CDH3: variants seen among roughly 807,000 people sequenced by gnomAD.
The protein encoded by CDH3 is cadherin 3, also known as cadherin-3.
In CDH3, 54 loss-of-function variants were observed where a neutral mutation model predicts 82.0. The ratio of observed to expected loss-of-function variants is 0.66; its 90% CI spans 0.53 to 0.83. The LOEUF is 0.83. CDH3 is among the 40% of genes least tolerant of loss of function. The pLI, the probability that CDH3 is intolerant of heterozygous loss-of-function variation, is 0.00. For synonymous variants in CDH3, 446 were observed against 437.9 expected, an observed-to-expected ratio of 1.02 and a Z score of -0.23; for missense variants, 1,054 against 1,084.6, an observed-to-expected ratio of 0.97 and a Z score of 0.40.
At chr16:68,672,842 G>A (rs1960924568) in intron 2 of CDH3, among the ~76,000 whole-genome samples, 1 of 152,186 alleles carries the variant, frequency 6.6e-6, no homozygotes, top group South Asian at 2.1e-4. Context: ...CATTCACTGA[G>A]TCCACTGCCT....
downstream of CDH3, among the ~76,000 whole-genome samples, chr16:68,704,454 C>T (rs182155085): frequency 6.6e-6 from 1 of 152,302 alleles, no homozygotes; most frequent in East Asian, 1.9e-4. Flanking sequence ...CCTGAGATTC[C>T]CCAACCTGCA....
At chr16:68,669,861 G>A (rs1160516920) in intron 2 of CDH3, among the ~76,000 whole-genome samples, 1 of 152,126 alleles carries the variant, frequency 6.6e-6, no homozygotes, top group Non-Finnish European at 1.5e-5. Context: ...GCTCATGCCT[G>A]TAATCCCAGC....
chr16:68,678,366 G>A, intron 4 of CDH3, 89 bp downstream of exon 4: 1 of 1,590,920 alleles, frequency 6.3e-7, no homozygotes, highest in Non-Finnish European at 8.6e-7. Flanking sequence ...ACTGAATGTG[G>A]GGGCTGAGAC....
rs1961684849 is a variant in CDH3 at position 68,695,283 on chromosome 16, G to C, written c.2031G>C (p.Val677=). Residue 677 remains valine (V), a synonymous_variant, in exon 14 of 16, where the codon GTG becomes GTC. Transcript: ENST00000264012. ...LFLLLVLLLL[V]RKKRKIKEPL... is the part of the protein sequence containing the mutation. ...TCCTGCTGGTGCTGCTTTTGTTGGT[G>C]AGAAAGAAGCGGAAGATCAAGGAGC... 6.2e-7 allele frequency: 1 copy of C among 1,614,030 alleles called. No individual in the cohort carries two copies. The highest frequency in any genetic ancestry group is 8.5e-7 in the Non-Finnish European group (1 of 1,180,044).
chr16:68,687,942 C>T (rs1328142625), intron 12 of CDH3, among the ~76,000 whole-genome samples: 1 of 151,336 alleles, frequency 6.6e-6, no homozygotes, highest in Non-Finnish European at 1.5e-5. Context: ...CCATTCTAGC[C>T]CAACCGCCTT....
At chr16:68,659,019 A>G (rs1487724749) in intron 2 of CDH3, among the ~76,000 whole-genome samples, 1 of 152,192 alleles carries the variant, frequency 6.6e-6, no homozygotes. Context: ...TTCAATAAAA[A>G]TATGTGGCAC....
downstream of CDH3, among the ~76,000 whole-genome samples, chr16:68,729,684 T>G (rs574888213): frequency 6.6e-6 from 1 of 152,072 alleles, no homozygotes. Flanking sequence ...CCGGCTGGAG[T>G]GCAGTGGCGT....
chr16:68,662,864 GTTTTTTTTTTTTT>G (rs144098456), intron 2 of CDH3, among the ~76,000 whole-genome samples: 1 of 67,808 alleles, frequency 1.5e-5, no homozygotes, highest in Non-Finnish European at 2.6e-5. Context: ...ATTTTTTAAA[GTTTTTTTTTTTTT>G]TTTTTTTTTT....
the CDH3 span, among the ~76,000 whole-genome samples, chr16:68,732,721 C>G: frequency 1.3e-5 from 2 of 152,206 alleles, no homozygotes; most frequent in African/African-American, 4.8e-5. Flanking sequence ...CCTGCACGGA[C>G]AGGTTTGTGT....
At chr16:68,701,253 T>G (rs562935915), downstream of CDH3, among the ~76,000 whole-genome samples, 57 of 151,908 alleles carry the variant, frequency 3.8e-4, no homozygotes, top group African/African-American at 1.4e-3. Flanking sequence ...CCGAGAGGTT[T>G]AGAAAGAATC....
chr16:68,650,427 C>G (rs1157624587), intron 2 of CDH3, among the ~76,000 whole-genome samples: 1 of 152,182 alleles, frequency 6.6e-6, no homozygotes, highest in African/African-American at 2.4e-5. Context: ...GCTTCAGCCT[C>G]CCAAGTAACT....
downstream of CDH3, among the ~76,000 whole-genome samples, chr16:68,731,533 CACACACATAT>C (rs1226504544): frequency 0.055 from 3,220 of 58,480 alleles, 164 homozygotes; most frequent in Middle Eastern, 0.17. Context: ...CACACACACA[CACACACATAT>C]ATATATATAC....
chr16:68,691,225 C>T (rs1170694537), intron 12 of CDH3, among the ~76,000 whole-genome samples: 1 of 152,022 alleles, frequency 6.6e-6, no homozygotes, highest in Non-Finnish European at 1.5e-5. Flanking sequence ...AGGATGGTCT[C>T]GATCTCTTGA....
At chr16:68,659,957 T>G (rs1960515249) in intron 2 of CDH3, among the ~76,000 whole-genome samples, 1 of 152,230 alleles carries the variant, frequency 6.6e-6, no homozygotes, top group African/African-American at 2.4e-5. Flanking sequence ...TACACATCTA[T>G]CTTGTTTTTA....
chr16:68,712,024 G>GTTTTTTTT (rs1344966569), intron 1 of CDH3, among the ~76,000 whole-genome samples: 1 of 121,150 alleles, frequency 8.3e-6, no homozygotes, highest in African/African-American at 3.2e-5. Flanking sequence ...TGTTTCTTGG[G>GTTTTTTTT]TTTTTTTGTT....
At chr16:68,664,575 A>G (rs1263358463) in intron 2 of CDH3, among the ~76,000 whole-genome samples, 2 of 151,972 alleles carry the variant, frequency 1.3e-5, no homozygotes, top group Non-Finnish European at 2.9e-5. Flanking sequence ...CTCTGTGACA[A>G]CATTAAGCCC....
intron 1 of CDH3, among the ~76,000 whole-genome samples, chr16:68,716,036 A>G (rs1962091197): frequency 6.6e-6 from 1 of 152,184 alleles, no homozygotes; most frequent in Non-Finnish European, 1.5e-5. Context: ...TGGGAGGCTG[A>G]GGCGGGTGGA....
chr16:68,678,432 C>G, intron 4 of CDH3, 69 bp from the exon 5 acceptor site: 2 of 1,595,360 alleles, frequency 1.3e-6, no homozygotes, highest in Non-Finnish European at 1.7e-6. Context: ...CCCCTCTTCA[C>G]AGAGGACTCT....
At chr16:68,708,576 G>A (rs368201622) in intron 1 of CDH3, among the ~76,000 whole-genome samples, 3 of 151,978 alleles carry the variant, frequency 2.0e-5, no homozygotes, top group South Asian at 2.1e-4. Context: ...TAGAATTGCA[G>A]CCCTGCACCC....
Sources: allele counts gnomAD v4.1 joint callset (sites outside exome capture counted in the v4.1 genomes callset), GRCh38; gene constraint gnomAD v4.1.1; transcripts MANE v1.5; gene names NCBI Gene and HGNC (gene_info 2026-07-23, HGNC 2026-07-21).